ZNF827: variants seen among roughly 807,000 people sequenced by gnomAD.
The protein encoded by ZNF827 is zinc finger protein 827.
Under a neutral mutation model 102.4 loss-of-function variants are expected in ZNF827, and 13 were observed. The observed-to-expected ratio is 0.13, with a 90% CI of 0.08 to 0.20. ZNF827 has a LOEUF of 0.20. Ranked by LOEUF, ZNF827 falls within the 10% of genes least tolerant of loss-of-function variation. The pLI is 1.00. For synonymous variants in ZNF827, 523 were observed against 536.2 expected, an observed-to-expected ratio of 0.98 and a Z score of 0.34; for missense variants, 1,103 against 1,344.4, an observed-to-expected ratio of 0.82 and a Z score of 2.81.
intron 1 of ZNF827, among the ~76,000 whole-genome samples, chr4:145,927,267 C>T (rs1285834924): frequency 6.6e-6 from 1 of 152,218 alleles, no homozygotes; most frequent in Non-Finnish European, 1.5e-5. Context: ...AGGCCTCAGA[C>T]AGTGTCACTG....
At chr4:145,774,366 A>G in intron 11 of ZNF827, 140 bp downstream of exon 11, 3 of 917,820 alleles carry the variant, frequency 3.3e-6, no homozygotes, top group South Asian at 3.5e-5. Context: ...TGTGGCTTTC[A>G]TGCCTTGGGA....
intron 1 of ZNF827, among the ~76,000 whole-genome samples, chr4:145,917,437 A>G (rs543941776): frequency 1.3e-5 from 2 of 152,242 alleles, no homozygotes; most frequent in Admixed American, 6.5e-5. Context: ...GAGAGGGCCA[A>G]ACTGGTTTTT....
chr4:145,867,437 T>A (rs1485077005), intron 5 of ZNF827, among the ~76,000 whole-genome samples: 1 of 152,200 alleles, frequency 6.6e-6, no homozygotes, highest in East Asian at 1.9e-4. Flanking sequence ...CAAGTCTCCA[T>A]CCTTAAGGAG....
At chr4:145,833,257 C>T (rs529321977) in intron 7 of ZNF827, 1 of 154,756 alleles carries the variant, frequency 6.5e-6, no homozygotes, top group East Asian at 1.9e-4. Context: ...TCTCCCTTCT[C>T]TTAATTTCAA....
At position 145,886,673 on chromosome 4, in the gene ZNF827, G is replaced by A. The variant is rs145661360; in HGVS notation, c.1267-515C>T. Among the ~76,000 whole-genome samples, 483 of 151,514 alleles carry A rather than the reference G, an allele frequency of 3.2e-3. 2 individuals are homozygous for A. Among genetic ancestry groups the A allele is most frequent in the African/African-American group, 0.011 (450 of 41,270 alleles). ...AAAATAATGTCTCCAGGGTATTCCCGTTTCAAAGACAGAGAAATTGAGGCC... is the reference window on the plus strand; with the variant it reads ...AAAATAATGTCTCCAGGGTATTCCCATTTCAAAGACAGAGAAATTGAGGCC... On this transcript the variant is annotated intron_variant, in intron 3 of 14. Coordinates refer to ENST00000508784, the MANE Select transcript of ZNF827 (RefSeq NM_001306215.2).
chr4:145,846,783 C>A (rs866376160), intron 6 of ZNF827, among the ~76,000 whole-genome samples: 2 of 147,464 alleles, frequency 1.4e-5, no homozygotes, highest in Admixed American at 6.8e-5. Flanking sequence ...CGCCACTACA[C>A]TCCAGCCTGA....
rs1165880618 is a variant in ZNF827 at position 145,927,683 on chromosome 4, C to T, written c.43+10682G>A. Among the ~76,000 whole-genome samples, 3 of 152,200 alleles carry T rather than the reference C, an allele frequency of 2.0e-5. No individual in the cohort carries two copies. The East Asian group carries it at 5.8e-4, about 29-fold the overall frequency. ...TAGATTTCACAGACCTACAGCTGCACTGTGTCTCAAGAGACCATCAAATGG... is the reference window on the plus strand; with the variant it reads ...TAGATTTCACAGACCTACAGCTGCATTGTGTCTCAAGAGACCATCAAATGG... On this transcript the variant is annotated intron_variant, in intron 1 of 14. Coordinates refer to ENST00000508784, the MANE Select transcript of ZNF827 (RefSeq NM_001306215.2).
Position 145,902,265 on chromosome 4 carries a change from G to A in ZNF827, c.994C>T (p.Pro332Ser). 6.3e-7 allele frequency: 1 copy of A among 1,588,088 alleles called. No individual in the cohort carries two copies. Among genetic ancestry groups the A allele is most frequent in the Non-Finnish European group, 8.6e-7 (1 of 1,168,194 alleles). The change falls in exon 2 of 15, where the codon CCA becomes TCA. Residue 332 changes from proline to serine, a missense_variant. By Grantham distance (74) the Pro-to-Ser change is moderately conservative. Transcript: ENST00000508784. The surrounding 1 kb of genome is among the most constrained non-coding windows in gnomAD (Gnocchi z 4.3). ...GGTGGAGGTGGTGGAGGTGGCGGTG[G>A]AGGTGGCGGAGTGACTTTTTCTGGT... ...KKPEKVTPPP[P>S]PPPPPPPPPP...
At chr4:145,845,056 T>C (rs1745798730) in intron 7 of ZNF827, among the ~76,000 whole-genome samples, 16 of 152,228 alleles carry the variant, frequency 1.1e-4, no homozygotes, top group Admixed American at 8.5e-4. Flanking sequence ...CTGTTCCTAG[T>C]TGTTCATCCT....
intron 1 of ZNF827, among the ~76,000 whole-genome samples, chr4:145,916,455 C>T (rs1000850867): frequency 2.6e-5 from 4 of 152,268 alleles, no homozygotes; most frequent in South Asian, 2.1e-4. Context: ...CAAGGGCACC[C>T]GAGGACTCTC....
At chr4:145,764,921 G>A (rs1735054565) in intron 13 of ZNF827, 67 bp downstream of exon 13, 5 of 1,604,178 alleles carry the variant, frequency 3.1e-6, no homozygotes, top group Admixed American at 1.7e-5. Flanking sequence ...GGGAAGGGAC[G>A]GGGTAGGGAA....
At chr4:145,838,672 ATATATTGTT>A (rs1188632693) in intron 7 of ZNF827, among the ~76,000 whole-genome samples, 2 of 152,224 alleles carry the variant, frequency 1.3e-5, no homozygotes, top group African/African-American at 4.8e-5. Flanking sequence ...GGACAATCTT[ATATATTGTT>A]AGGTGAAAAC....
At chr4:145,861,233 T>C (rs1333878578) in intron 5 of ZNF827, among the ~76,000 whole-genome samples, 1 of 152,200 alleles carries the variant, frequency 6.6e-6, no homozygotes, top group East Asian at 1.9e-4. Context: ...AAAACCACTG[T>C]GGAATGAGAA....
At chr4:145,821,927 T>C (rs994052456) in intron 8 of ZNF827, among the ~76,000 whole-genome samples, 2 of 152,162 alleles carry the variant, frequency 1.3e-5, no homozygotes, top group South Asian at 2.1e-4. Context: ...TTTGTATATA[T>C]ATCATGGGAT....
intron 3 of ZNF827, among the ~76,000 whole-genome samples, chr4:145,890,753 G>A (rs1750525298): frequency 6.6e-6 from 1 of 152,340 alleles, no homozygotes; most frequent in South Asian, 2.1e-4. Context: ...CTGGGAAGAC[G>A]TGACAGAGGA....
chr4:145,892,818 T>C (rs1223292866), intron 2 of ZNF827, among the ~76,000 whole-genome samples: 1 of 152,256 alleles, frequency 6.6e-6, no homozygotes, highest in Non-Finnish European at 1.5e-5. Flanking sequence ...CTCAAGTCCA[T>C]GTCTGAATTC....
chr4:145,887,700 A>G (rs1223906874), intron 3 of ZNF827, among the ~76,000 whole-genome samples: 3 of 152,168 alleles, frequency 2.0e-5, no homozygotes, highest in Non-Finnish European at 4.4e-5. Context: ...AAAGGATTTC[A>G]CTAGGAGCTG....
At position 145,860,775 on chromosome 4, in the gene ZNF827, C is replaced by T. The variant is rs191169134; in HGVS notation, c.1981+9470G>A. Reference sequence around the variant, plus strand: ...TTATTAGAAGGGAAGACAAAGATCCCTTCAGAAAGAATACCACAGGCCCTT... The same window carrying T: ...TTATTAGAAGGGAAGACAAAGATCCTTTCAGAAAGAATACCACAGGCCCTT... On this transcript the variant is annotated intron_variant, in intron 5 of 14. Transcript: ENST00000508784. Among the ~76,000 whole-genome samples the T allele has an allele frequency of 8.5e-3, 1,300 of 152,286 alleles. 9 individuals are homozygous for T. Among genetic ancestry groups the T allele is most frequent in the Middle Eastern group, 0.024 (7 of 294 alleles).
chr4:145,765,280 A>C lies in ZNF827; in HGVS notation c.3053-115T>G. 8.4e-7 allele frequency: 1 copy of C among 1,185,192 alleles called. No individual in the cohort carries two copies. The highest frequency in any genetic ancestry group is 1.6e-5 in the South Asian group (1 of 62,534). The allele number at this position is 1,185,192 out of a possible 1,614,324, so 73.4% of individuals were successfully genotyped here. ...GCCTCCTCCGACGCCTGACAGCTAT[A>C]CCCTTCCAGGCACTGTTCCCCATAT... On this transcript the variant is annotated intron_variant, in intron 12 of 14. Coordinates refer to ENST00000508784, the MANE Select transcript of ZNF827 (RefSeq NM_001306215.2). This position sits in a 1 kb window ranked among gnomAD's most constrained non-coding sequence, Gnocchi z 4.7.
Sources: allele counts gnomAD v4.1 joint callset (sites outside exome capture counted in the v4.1 genomes callset), GRCh38; gene constraint gnomAD v4.1.1; non-coding constraint Gnocchi (gnomAD v3.1); transcripts MANE v1.5; gene names NCBI Gene and HGNC (gene_info 2026-07-23, HGNC 2026-07-21).